ANO4: variants seen among roughly 807,000 people sequenced by gnomAD.
ANO4 encodes anoctamin-4.
In ANO4, 69 loss-of-function variants were observed where a neutral mutation model predicts 141.9. That is an observed-to-expected ratio of 0.49 (90% CI 0.40 to 0.59). ANO4 has a LOEUF of 0.59. Among genes scored for constraint, ANO4 ranks in the 20% least tolerant of loss-of-function variants. The pLI, the probability that ANO4 is intolerant of heterozygous loss-of-function variation, is 0.00. For missense variants in ANO4, 894 were observed against 1,162.2 expected, an observed-to-expected ratio of 0.77 and a Z score of 3.36; for synonymous variants, 350 against 394.3, an observed-to-expected ratio of 0.89 and a Z score of 1.33.
chr12:100,806,613 C>T (rs1338682119), intron 1 of ANO4, among the ~76,000 whole-genome samples: 3 of 128,520 alleles, frequency 2.3e-5, no homozygotes, highest in Non-Finnish European at 3.1e-5. Context: ...GGCGTGATCT[C>T]GGCTCACTGC....
At chr12:100,962,743 C>G (rs577330666) in intron 5 of ANO4, among the ~76,000 whole-genome samples, 12 of 152,288 alleles carry the variant, frequency 7.9e-5, no homozygotes, top group Non-Finnish European at 1.5e-4. Flanking sequence ...CTTATTTCTT[C>G]AAAGCGAGCA....
chr12:100,735,216 C>T (rs2031553221), intron 2 of ANO4, among the ~76,000 whole-genome samples: 1 of 152,052 alleles, frequency 6.6e-6, no homozygotes, highest in Non-Finnish European at 1.5e-5. Flanking sequence ...CCAATTGGTG[C>T]CAAACCTGAT....
chr12:100,740,618 G>A (rs2031821510), intron 3 of ANO4, among the ~76,000 whole-genome samples: 2 of 152,104 alleles, frequency 1.3e-5, no homozygotes, highest in Admixed American at 6.5e-5. Context: ...TTTGAATACC[G>A]TAGTTAATAT....
chr12:100,769,204 C>T (rs1382565194), intron 3 of ANO4, among the ~76,000 whole-genome samples: 2 of 152,328 alleles, frequency 1.3e-5, no homozygotes. Context: ...TATTCATCCT[C>T]ACTTTCCTCA....
intron 3 of ANO4, among the ~76,000 whole-genome samples, chr12:100,785,303 A>G (rs1050669010): frequency 6.6e-5 from 10 of 152,116 alleles, no homozygotes; most frequent in South Asian, 2.1e-4. Context: ...GGTATATTCT[A>G]TGGGTTTGGA....
At chr12:101,094,219 C>T (rs2049889142) in intron 17 of ANO4, 37 bp from the exon 18 acceptor site, 1 of 1,548,718 alleles carries the variant, frequency 6.5e-7, no homozygotes, top group African/African-American at 1.4e-5. Flanking sequence ...ATAATACGTG[C>T]AGTTCATTTA....
intron 2 of ANO4, among the ~76,000 whole-genome samples, chr12:100,918,584 A>G (rs1368062275): frequency 6.6e-6 from 1 of 152,180 alleles, no homozygotes; most frequent in Admixed American, 6.5e-5. Context: ...AAAAATTCCT[A>G]TCGCCTAGTG....
chr12:100,809,261 C>A (rs2035247701), intron 1 of ANO4, among the ~76,000 whole-genome samples: 4 of 152,072 alleles, frequency 2.6e-5, no homozygotes, highest in African/African-American at 9.7e-5. Flanking sequence ...GTGGCATGCA[C>A]CTGTAATCCC....
chr12:100,908,474 A>G (rs1192368041), intron 2 of ANO4, among the ~76,000 whole-genome samples: 1 of 152,250 alleles, frequency 6.6e-6, no homozygotes, highest in Non-Finnish European at 1.5e-5. Flanking sequence ...CCAATCCTCT[A>G]GCCTAGAATT....
At chr12:100,897,278 A>G (rs539000463) in intron 1 of ANO4, among the ~76,000 whole-genome samples, 1 of 152,344 alleles carries the variant, frequency 6.6e-6, no homozygotes, top group Admixed American at 6.5e-5. Context: ...GCTGAGTTGG[A>G]GAGGAGGCTA....
At chr12:101,092,089 G>A (rs1388459907) in intron 17 of ANO4, among the ~76,000 whole-genome samples, 1 of 152,042 alleles carries the variant, frequency 6.6e-6, no homozygotes, top group African/African-American at 2.4e-5. Context: ...ATCCCAATAT[G>A]GTGGTTGCAA....
chr12:101,121,017 T>C (rs1216214233), intron 26 of ANO4, among the ~76,000 whole-genome samples: 2 of 152,184 alleles, frequency 1.3e-5, no homozygotes, highest in African/African-American at 2.4e-5. Context: ...GGACCATAAT[T>C]TGGAAACATT....
intron 1 of ANO4, among the ~76,000 whole-genome samples, chr12:100,808,864 TA>T (rs202127491): frequency 0.012 from 1,842 of 152,368 alleles, 43 homozygotes; most frequent in African/African-American, 0.042. Context: ...CAATTGAATT[TA>T]GTAAGTGTTT....
At chr12:101,030,955 C>T (rs900917956) in intron 9 of ANO4, among the ~76,000 whole-genome samples, 1 of 152,122 alleles carries the variant, frequency 6.6e-6, no homozygotes, top group Admixed American at 6.6e-5. Flanking sequence ...AGCCTACCCA[C>T]CAAAAAAAGC....
chr12:100,936,082 T>C (rs560785745), intron 3 of ANO4, among the ~76,000 whole-genome samples: 30 of 152,280 alleles, frequency 2.0e-4, no homozygotes, highest in African/African-American at 6.5e-4. Context: ...TGGCTTAGTA[T>C]CACCTATTGT....
At chr12:100,944,683 G>A (rs1049844674) in intron 5 of ANO4, among the ~76,000 whole-genome samples, 5 of 152,216 alleles carry the variant, frequency 3.3e-5, no homozygotes, top group Middle Eastern at 3.4e-3. Context: ...TCTCTCTAAT[G>A]CAGCCTCCCA....
chr12:100,768,043 G>A (rs1333826139), intron 3 of ANO4, among the ~76,000 whole-genome samples: 2 of 152,176 alleles, frequency 1.3e-5, no homozygotes, highest in African/African-American at 4.8e-5. Context: ...GGCCATGGGG[G>A]CTGACCTGGC....
intron 2 of ANO4, among the ~76,000 whole-genome samples, chr12:100,910,646 A>C (rs1388207487): frequency 1.3e-5 from 2 of 152,154 alleles, no homozygotes; most frequent in Non-Finnish European, 2.9e-5. Flanking sequence ...GAAACTATAA[A>C]GCTTAGTGGA....
At chr12:101,049,292 A>G (rs1052800035) in intron 14 of ANO4, among the ~76,000 whole-genome samples, 2 of 152,180 alleles carry the variant, frequency 1.3e-5, no homozygotes, top group African/African-American at 2.4e-5. Context: ...TATGTCTGCT[A>G]TGAATATTGG....
Sources: gnomAD v4.1 joint callset for allele counts (sites outside exome capture counted in the v4.1 genomes callset) on GRCh38, gnomAD v4.1.1 for gene constraint, MANE v1.5 for transcripts, NCBI Gene and HGNC (gene_info 2026-07-23, HGNC 2026-07-21) for gene names.